SH3PXD2B: variants seen among roughly 807,000 people sequenced by gnomAD.
SH3PXD2B encodes SH3 and PX domains 2B, also known as SH3 and PX domain-containing protein 2B.
A neutral mutation model predicts 73.1 loss-of-function variants in SH3PXD2B; 37 were observed. The observed-to-expected ratio is 0.51, with a 90% CI of 0.39 to 0.67. SH3PXD2B has a LOEUF of 0.67. SH3PXD2B is among the 30% of genes least tolerant of loss of function. The probability of loss-of-function intolerance (pLI) is 0.00; values close to 1 mark genes in which losing one functional copy is unlikely to be tolerated. For missense variants in SH3PXD2B, 1,053 were observed against 1,197.8 expected, an observed-to-expected ratio of 0.88 and a Z score of 1.78; for synonymous variants, 457 against 480.5, an observed-to-expected ratio of 0.95 and a Z score of 0.64.
At chr5:172,419,948 A>T (rs767783370) in intron 2 of SH3PXD2B, among the ~76,000 whole-genome samples, 3 of 152,230 alleles carry the variant, frequency 2.0e-5, no homozygotes, top group Non-Finnish European at 2.9e-5. Context: ...CACTCTTTGA[A>T]GACCTGCTAT....
chr5:172,445,231 C>A lies in SH3PXD2B; in HGVS notation c.75+9047G>T, dbSNP rs911227895. ...GGTCTCAATCCCTGCTTTGTCTATCCACATGTCATCTCTGTCGCCCAGGCT... is the reference window on the plus strand; with the variant it reads ...GGTCTCAATCCCTGCTTTGTCTATCAACATGTCATCTCTGTCGCCCAGGCT... On this transcript the variant is annotated intron_variant, in intron 1 of 12. Transcript: ENST00000311601. This position sits in a 1 kb window ranked among gnomAD's most constrained non-coding sequence, Gnocchi z 5.2. Among the ~76,000 whole-genome samples the A allele has an allele frequency of 6.6e-6, 1 of 152,222 alleles. No homozygotes were observed. Among genetic ancestry groups the A allele is most frequent in the Non-Finnish European group, 1.5e-5 (1 of 68,042 alleles).
rs140570994 is a variant in SH3PXD2B at position 172,424,281 on chromosome 5, C to A, written c.76-1785G>T. On this transcript the variant is annotated intron_variant, in intron 1 of 12. Coordinates refer to ENST00000311601, the MANE Select transcript of SH3PXD2B (RefSeq NM_001017995.3). ...TACCGGAAGTGGGCAGGAGAGAGAT[C>A]TCTGAAGCCTGGAGCCACCACAGTG... 3.0e-3 allele frequency among the ~76,000 whole-genome samples: 453 copies of A among 152,276 alleles called. 1 individual carries two copies. The highest frequency in any genetic ancestry group is 5.2e-3 in the Non-Finnish European group (353 of 68,030).
intron 5 of SH3PXD2B, among the ~76,000 whole-genome samples, chr5:172,374,297 G>A (rs1757775336): frequency 6.6e-6 from 1 of 152,116 alleles, no homozygotes; most frequent in Non-Finnish European, 1.5e-5. Context: ...CCTCCCAAGT[G>A]GTGAGAGGGG....
At position 172,454,288 on chromosome 5, in the gene SH3PXD2B, T is replaced by C. The variant is rs916323729; in HGVS notation, c.65A>G (p.Asn22Ser). Residue 22 changes from asparagine to serine, a missense_variant, in exon 1 of 13, where the codon AAC (asparagine) becomes AGC (serine). This residue lies in a region of SH3PXD2B where 466 missense variants were observed against 607.1 expected (regional missense o/e 0.77). Coordinates refer to ENST00000311601, the MANE Select transcript of SH3PXD2B (RefSeq NM_001017995.3). ...VLDVQKRRVP[N>S]KHYVYIIRVT... The stretch of plus-strand genomic sequence containing the variant: ...CCGCGCCGCACTCACATAATGCTTG[T>C]TGGGCACCCGCCGCTTCTGCACGTC... 2 of 1,595,800 alleles carry C rather than the reference T, an allele frequency of 1.3e-6. No individual in the cohort carries two copies. Among genetic ancestry groups the C allele is most frequent in the Non-Finnish European group, 8.5e-7 (1 of 1,174,622 alleles).
intron 1 of SH3PXD2B, among the ~76,000 whole-genome samples, chr5:172,442,126 CTA>C (rs1158229630): frequency 6.6e-6 from 1 of 152,132 alleles, no homozygotes; most frequent in Non-Finnish European, 1.5e-5. Context: ...CTTAGCAATC[CTA>C]TGAGGTCACA....
chr5:172,333,154 C>T (rs1477600190), downstream of SH3PXD2B, among the ~76,000 whole-genome samples: 1 of 151,946 alleles, frequency 6.6e-6, no homozygotes, highest in Non-Finnish European at 1.5e-5. Context: ...AGGCTGGTCT[C>T]GAACTCCTGA....
At chr5:172,439,736 G>T (rs1414523327) in intron 1 of SH3PXD2B, among the ~76,000 whole-genome samples, 2 of 122,078 alleles carry the variant, frequency 1.6e-5, no homozygotes. Flanking sequence ...ACACACAGCT[G>T]CCCACCCTCT....
chr5:172,374,474 G>A (rs1192961966), intron 5 of SH3PXD2B, among the ~76,000 whole-genome samples: 3 of 152,236 alleles, frequency 2.0e-5, no homozygotes, highest in Non-Finnish European at 4.4e-5. Context: ...CTGAGGTCAG[G>A]AGTTTGAGAC....
chr5:172,454,373 CG>C lies in SH3PXD2B; in HGVS notation c.-22del. ...GGCATGGCCGCTCCTCCGCCCGCAG[CG>C]GGCCGAGCGCGGGTGCGGGTGGCGC... is the stretch of plus-strand genomic sequence containing the variant. On this transcript the variant is annotated 5_prime_UTR_variant, in exon 1 of 13. Transcript: ENST00000311601. 7.0e-7 allele frequency: 1 copy of C among 1,435,566 alleles called. No homozygotes were observed. The allele number at this position is 1,435,566 out of a possible 1,614,324, so 88.9% of individuals were successfully genotyped here.
intron 3 of SH3PXD2B, among the ~76,000 whole-genome samples, chr5:172,396,938 T>C (rs955235471): frequency 3.3e-5 from 5 of 151,912 alleles, no homozygotes; most frequent in Non-Finnish European, 7.4e-5. Context: ...CAAAACTCTG[T>C]CTCAAAAAAA....
At position 172,367,439 on chromosome 5, in the gene SH3PXD2B, A is replaced by G. The variant is rs1394414171; in HGVS notation, c.428-4570T>C. ...TTTGGGGTTTCACCATGTTGCCCGGACTGGTCTTGAACTCCTGGGCTCAAC... is the reference window on the plus strand; with the variant it reads ...TTTGGGGTTTCACCATGTTGCCCGGGCTGGTCTTGAACTCCTGGGCTCAAC... On this transcript the variant is annotated intron_variant, in intron 6 of 12. Coordinates refer to ENST00000311601, the MANE Select transcript of SH3PXD2B (RefSeq NM_001017995.3). Among the ~76,000 whole-genome samples the G allele has an allele frequency of 5.6e-5, 7 of 125,860 alleles. No individual in the cohort carries two copies. The East Asian group carries it at 1.7e-3, about 31-fold the overall frequency. The allele number at this position is 125,860 out of a possible 152,430, so 82.6% of individuals were successfully genotyped here.
rs751563565 is a variant in SH3PXD2B, at chr5:172,362,719, T to C, written c.562+16A>G. 6.8e-6 allele frequency: 11 copies of C among 1,613,880 alleles called. No homozygotes were observed. The highest frequency in any genetic ancestry group is 1.1e-5 in the South Asian group (1 of 91,064). On this transcript the variant is annotated intron_variant, in intron 7 of 12. Coordinates refer to ENST00000311601, the MANE Select transcript of SH3PXD2B (RefSeq NM_001017995.3). The stretch of plus-strand genomic sequence containing the variant: ...GTGGCAGGGTAGTGGGAGAGGGAGA[T>C]GGTCTAGGTCCCCACCTGACTCATT...
intron 2 of SH3PXD2B, among the ~76,000 whole-genome samples, chr5:172,407,307 C>T: frequency 6.6e-6 from 1 of 152,226 alleles, no homozygotes; most frequent in Non-Finnish European, 1.5e-5. Context: ...GAGCTGGAGA[C>T]ATGTGTCACT....
At chr5:172,340,927 C>T (rs987257692) in intron 12 of SH3PXD2B, among the ~76,000 whole-genome samples, 1 of 152,176 alleles carries the variant, frequency 6.6e-6, no homozygotes, top group Non-Finnish European at 1.5e-5. Flanking sequence ...ACAGGAATCA[C>T]AGTCAGCTCA....
At chr5:172,396,198 C>CAAAAAAAAA (rs571850981) in intron 3 of SH3PXD2B, among the ~76,000 whole-genome samples, 5 of 78,408 alleles carry the variant, frequency 6.4e-5, no homozygotes, top group East Asian at 4.0e-4. Flanking sequence ...ACTAAAAATA[C>CAAAAAAAAA]AAAAAAAAAA....
chr5:172,352,227 A>T (rs4583898), intron 9 of SH3PXD2B, among the ~76,000 whole-genome samples: 27 of 152,328 alleles, frequency 1.8e-4, no homozygotes, highest in Admixed American at 1.8e-3. Context: ...AGTTTAAAAA[A>T]ACTAATGTCT....
chr5:172,370,410 T>A (rs1157104087), intron 6 of SH3PXD2B, among the ~76,000 whole-genome samples: 1 of 152,216 alleles, frequency 6.6e-6, no homozygotes, highest in Non-Finnish European at 1.5e-5. Flanking sequence ...CAATGGGATT[T>A]GGCAAAACTA....
downstream of SH3PXD2B, among the ~76,000 whole-genome samples, chr5:172,329,038 T>TATAC (rs57893799): frequency 0.58 from 74,460 of 127,482 alleles, 22,902 homozygotes; most frequent in South Asian, 0.83. Context: ...TATACGTATA[T>TATAC]ATATGTATGT....
At chr5:172,375,987 T>C in intron 5 of SH3PXD2B, among the ~76,000 whole-genome samples, 1 of 152,068 alleles carries the variant, frequency 6.6e-6, no homozygotes, top group East Asian at 1.9e-4. Flanking sequence ...CGTATGAAGG[T>C]TCCAACCTCT....
Sources: allele counts gnomAD v4.1 joint callset (sites outside exome capture counted in the v4.1 genomes callset), GRCh38; gene constraint gnomAD v4.1.1; regional missense constraint gnomAD v4.1.1; non-coding constraint Gnocchi (gnomAD v3.1); transcripts MANE v1.5; gene names NCBI Gene and HGNC (gene_info 2026-07-23, HGNC 2026-07-21).